Variants in VPS13C observed in about 807,000 individuals in gnomAD.
The protein encoded by VPS13C is vacuolar protein sorting 13 homolog C, also known as intermembrane lipid transfer protein VPS13C.
In VPS13C, 358 loss-of-function variants were observed where a neutral mutation model predicts 456.8. The observed-to-expected ratio is 0.78, with a 90% CI of 0.72 to 0.86. The LOEUF (loss-of-function observed/expected upper bound fraction) is 0.86, where lower values mean the gene tolerates loss of function less well. Among genes scored for constraint, VPS13C ranks in the 40% least tolerant of loss-of-function variants. The pLI, the probability that VPS13C is intolerant of heterozygous loss-of-function variation, is 0.00. For synonymous variants in VPS13C, 1,578 were observed against 1,486.7 expected (o/e 1.06, Z -1.41); for missense variants, 4,818 against 4,385.4 (o/e 1.10, Z -2.79).
intron 19 of VPS13C, 65 bp downstream of exon 19, chr15:61,984,792 A>T: frequency 6.6e-7 from 1 of 1,506,530 alleles, no homozygotes; most frequent in African/African-American, 1.4e-5. Context: ...AACCTGAATA[A>T]CACACATTTT....
rs768711045 is a variant in VPS13C at position 62,033,428 on chromosome 15, A to G, written c.385+13T>C. ...ATAGGTATGTCTAAGTTTATCTCAAAAAAACTTTTTACCTTTTTCTGCTGC... is the reference window on the plus strand; with the variant it reads ...ATAGGTATGTCTAAGTTTATCTCAAGAAAACTTTTTACCTTTTTCTGCTGC... On this transcript the variant is annotated intron_variant, in intron 5 of 84. Coordinates refer to ENST00000644861, the MANE Select transcript of VPS13C (RefSeq NM_020821.3). 3.8e-6 allele frequency: 6 copies of G among 1,579,064 alleles called. No individual in the cohort carries two copies. The highest frequency in any genetic ancestry group is 1.7e-4 in the Middle Eastern group (1 of 5,816).
At chr15:61,928,205 A>T (rs2043932198) in intron 51 of VPS13C, among the ~76,000 whole-genome samples, 1 of 152,146 alleles carries the variant, frequency 6.6e-6, no homozygotes, top group Admixed American at 6.5e-5. Flanking sequence ...TAATAATAAA[A>T]AAGAATAATC....
intron 50 of VPS13C, among the ~76,000 whole-genome samples, 192 bp from the exon 51 acceptor site, chr15:61,929,940 C>T (rs117799051): frequency 9.2e-5 from 14 of 152,126 alleles, no homozygotes; most frequent in South Asian, 2.1e-4. Flanking sequence ...GCAAGATATA[C>T]GTTATTAAGC....
chr15:61,978,413 G>T (rs923778825), intron 23 of VPS13C, among the ~76,000 whole-genome samples: 1 of 152,140 alleles, frequency 6.6e-6, no homozygotes, highest in African/African-American at 2.4e-5. Flanking sequence ...ATGGAGCTAG[G>T]TATCTTAAGA....
rs184035226 is a variant in VPS13C at position 62,016,443 on chromosome 15, C to T, written c.685-2451G>A. On this transcript the variant is annotated intron_variant, in intron 9 of 84. Transcript: ENST00000644861. ...CCCCTCCCCCGACCCCACAACAGGC[C>T]CCAGTGTGTGATATTCCCCTTCCTG... 8.4e-3 allele frequency among the ~76,000 whole-genome samples: 1,065 copies of T among 126,658 alleles called. 7 individuals are homozygous for T. Among genetic ancestry groups the T allele is most frequent in the Non-Finnish European group, 0.013 (799 of 61,862 alleles). The allele number at this position is 126,658 out of a possible 152,430, so 83.1% of individuals were successfully genotyped here.
Position 61,868,905 on chromosome 15 carries a change from A to G in VPS13C, c.10749-132T>C, listed in dbSNP as rs1340603885. 3 of 728,224 alleles carry G rather than the reference A, an allele frequency of 4.1e-6. No individual in the cohort carries two copies. In the African/African-American group the frequency reaches 5.4e-5, roughly 13 times the overall value. The allele number at this position is 728,224 out of a possible 1,614,324, so 45.1% of individuals were successfully genotyped here. On this transcript the variant is annotated intron_variant, in intron 80 of 84. Coordinates refer to ENST00000644861, the MANE Select transcript of VPS13C (RefSeq NM_020821.3). ...TTAAATAGCTTTCCCCAAATAATGC[A>G]AAAGTATTAAAACCAAGTCTGTCTG...
intron 74 of VPS13C, 142 bp from the exon 75 acceptor site, chr15:61,877,196 A>T: frequency 1.9e-6 from 1 of 538,590 alleles, no homozygotes; most frequent in East Asian, 3.2e-5. Context: ...ACAATTTATG[A>T]TTGTCTTAAT....
At position 62,060,326 on chromosome 15, in the gene VPS13C, C is replaced by T. The variant is rs774042449; in HGVS notation, c.49G>A (p.Asp17Asn). ...GACTTGTTCAGGTTCTCCACATAGT[C>T]CCCCAGGAAGCGGTTCAGCAAGTCC... ...VADLLNRFLG[D>N]YVENLNKSQL... Residue 17 changes from aspartate to asparagine, a missense_variant, in exon 1 of 85, where the codon GAC becomes AAC. By Grantham distance (23) the Asp-to-Asn change is conservative. Around this residue, in one of 3 missense-constraint regions of VPS13C, gnomAD observed 4,552 missense variants for 4,130.6 expected, o/e 1.10. Transcript: ENST00000644861. The T allele has an allele frequency of 7.5e-6, 12 of 1,607,642 alleles. No homozygotes were observed. In the African/African-American group the frequency reaches 1.1e-4, roughly 14 times the overall value.
chr15:62,008,754 C>A lies in VPS13C; in HGVS notation c.1019G>T (p.Ser340Ile). Residue 340 changes from serine (S) to isoleucine (I), a missense_variant, in exon 14 of 85, where the codon AGT (serine) becomes ATT (isoleucine). Physicochemically the swap from Ser to Ile is moderately radical, Grantham distance 142. This residue lies in a region of VPS13C where 4,552 missense variants were observed against 4,130.6 expected (regional missense o/e 1.10). Coordinates refer to ENST00000644861, the MANE Select transcript of VPS13C (RefSeq NM_020821.3). ...AIELTKPQYL[S>I]MIDLLESVDY... ...CACTGACTCCAAAAGGTCAATCATA[C>A]TTAAGTACTGTTAAAACAAAAATAA... 2 of 1,574,366 alleles carry A rather than the reference C, an allele frequency of 1.3e-6. No individual in the cohort carries two copies. Among genetic ancestry groups the A allele is most frequent in the Non-Finnish European group, 1.7e-6 (2 of 1,158,954 alleles).
At chr15:61,998,677 T>C (rs903677001) in intron 16 of VPS13C, among the ~76,000 whole-genome samples, 3 of 152,196 alleles carry the variant, frequency 2.0e-5, no homozygotes, top group African/African-American at 4.8e-5. Flanking sequence ...TCTATACTTT[T>C]AGCCATAATG....
intron 3 of VPS13C, 83 bp from the exon 4 acceptor site, chr15:62,035,135 AG>A: frequency 1.0e-6 from 1 of 975,574 alleles, no homozygotes; most frequent in Non-Finnish European, 1.6e-6. Context: ...TAAGCGAAAA[AG>A]CATAAAAAAC....
Position 61,935,475 on chromosome 15 carries a change from A to G in VPS13C, c.5755+1122T>C, listed in dbSNP as rs567315408. ...ATCTTTGCAGCTTCCATTTGAATTC[A>G]CAAATTTTCCCAAGTGACACGGTGT... On this transcript the variant is annotated intron_variant, in intron 48 of 84. Coordinates refer to ENST00000644861, the MANE Select transcript of VPS13C (RefSeq NM_020821.3). The G allele has an allele frequency of 3.9e-5, 6 of 152,360 alleles. No individual in the cohort carries two copies. The South Asian group carries it at 6.2e-4, about 16-fold the overall frequency. 9.4% of individuals were successfully genotyped at this position (152,360 alleles called of 1,614,324 possible).
Position 61,991,093 on chromosome 15 carries a change from A to G in VPS13C, c.1485T>C (p.Thr495=), listed in dbSNP as rs1166758559. 4 of 1,593,352 alleles carry G rather than the reference A, an allele frequency of 2.5e-6. No homozygotes were observed. The highest frequency in any genetic ancestry group is 1.4e-5 in the African/African-American group (1 of 73,728). Residue 495 remains threonine, a splice_region_variant and synonymous_variant, in exon 18 of 85, where the codon ACT becomes ACC. Coordinates refer to ENST00000644861, the MANE Select transcript of VPS13C (RefSeq NM_020821.3). ...CCTCTGGAGTCATAAGGTCATCAAT[A>G]GCTATGAAAAAACAACATTTTAAGA... The part of the protein sequence containing the change: ...KKDEESLIPE[T]IDDLMTPEEK...
intron 13 of VPS13C, among the ~76,000 whole-genome samples, chr15:62,009,789 A>G (rs913027402): frequency 6.6e-6 from 1 of 152,186 alleles, no homozygotes; most frequent in African/African-American, 2.4e-5. Context: ...TTGGGAAACA[A>G]ATAGAGGAAA....
chr15:61,932,507 T>C (rs1401668363), intron 49 of VPS13C, among the ~76,000 whole-genome samples: 1 of 151,540 alleles, frequency 6.6e-6, no homozygotes, highest in Non-Finnish European at 1.5e-5. Context: ...TTCCAAATTC[T>C]CTCAGTATGT....
chr15:61,959,382 T>C lies in VPS13C; in HGVS notation c.4056+66A>G. The stretch of plus-strand genomic sequence containing the variant: ...AAAAGAGTCTACATTTCATTTGGAT[T>C]TCTGCTAAAAGTCTTTGGAGTTTAA... On this transcript the variant is annotated intron_variant, in intron 36 of 84. Coordinates refer to ENST00000644861, the MANE Select transcript of VPS13C (RefSeq NM_020821.3). The C allele has an allele frequency of 2.9e-6, 4 of 1,401,828 alleles. No homozygotes were observed. In the South Asian group the frequency reaches 6.6e-5, roughly 23 times the overall value. The allele number at this position is 1,401,828 out of a possible 1,614,324, so 86.8% of individuals were successfully genotyped here. A position where few individuals can be genotyped will look rare whatever the true frequency, so the allele number is the denominator to read the frequency against.
At chr15:61,974,227 C>T in intron 25 of VPS13C, 61 bp downstream of exon 25, 1 of 1,463,046 alleles carries the variant, frequency 6.8e-7, no homozygotes, top group Non-Finnish European at 9.1e-7. Flanking sequence ...CTGAAACTGA[C>T]TTTTCATCAC....
intron 55 of VPS13C, among the ~76,000 whole-genome samples, chr15:61,921,006 T>TA (rs2043636671): frequency 1.3e-5 from 2 of 152,124 alleles, no homozygotes; most frequent in Admixed American, 1.3e-4. Flanking sequence ...TGATCCCTAT[T>TA]AGAGGTGCCA....
Position 61,962,549 on chromosome 15 carries a change from G to C in VPS13C, c.3436-11C>G. On this transcript the variant is annotated splice_polypyrimidine_tract_variant and intron_variant, in intron 33 of 84. Coordinates refer to ENST00000644861, the MANE Select transcript of VPS13C (RefSeq NM_020821.3). ...CATTATTGACACAGCCTGAAAAACA[G>C]AGACTTGAATGTACTCTATCCGGGA... The C allele has an allele frequency of 1.9e-6, 3 of 1,605,320 alleles. No homozygotes were observed. Among genetic ancestry groups the C allele is most frequent in the Non-Finnish European group, 2.6e-6 (3 of 1,175,030 alleles).
Sources: allele counts gnomAD v4.1 joint callset (sites outside exome capture counted in the v4.1 genomes callset), GRCh38; gene constraint gnomAD v4.1.1; regional missense constraint gnomAD v4.1.1; transcripts MANE v1.5; gene names NCBI Gene and HGNC (gene_info 2026-07-23, HGNC 2026-07-21).